MAP4: variants seen among roughly 807,000 people sequenced by gnomAD.
The protein encoded by MAP4 is microtubule-associated protein 4.
A neutral mutation model predicts 170.2 loss-of-function variants in MAP4; 76 were observed. The ratio of observed to expected loss-of-function variants is 0.45; its 90% CI spans 0.37 to 0.54. The LOEUF is 0.54. MAP4 is among the 20% of genes least tolerant of loss of function. The pLI, the probability that MAP4 is intolerant of heterozygous loss-of-function variation, is 0.00. For missense variants in MAP4, 2,506 were observed against 2,748.0 expected (o/e 0.91, Z 1.97); for synonymous variants, 909 against 994.5 (o/e 0.91, Z 1.62).
At chr3:47,858,162 C>T (rs1210597533) in intron 17 of MAP4, among the ~76,000 whole-genome samples, 3 of 151,752 alleles carry the variant, frequency 2.0e-5, no homozygotes, top group Non-Finnish European at 2.9e-5. Flanking sequence ...TACAGGCATG[C>T]GCCACCACGC....
At chr3:47,934,905 T>C (rs947915333) in intron 3 of MAP4, among the ~76,000 whole-genome samples, 3 of 152,258 alleles carry the variant, frequency 2.0e-5, no homozygotes, top group Admixed American at 6.5e-5. Context: ...CCTGCTCTCA[T>C]GGAACTTAGA....
intron 3 of MAP4, among the ~76,000 whole-genome samples, chr3:47,946,542 T>C (rs1374408336): frequency 1.0e-4 from 15 of 146,208 alleles, no homozygotes; most frequent in East Asian, 4.0e-4. Context: ...TAATCCCAGC[T>C]ACTCATGAGG....
chr3:48,003,436 A>C (rs2100100428), intron 1 of MAP4, among the ~76,000 whole-genome samples: 1 of 142,136 alleles, frequency 7.0e-6, no homozygotes, highest in African/African-American at 2.7e-5. Flanking sequence ...CCTGGGTGAC[A>C]GAGTGAGACT....
At chr3:47,860,444 T>C (rs568285908) in intron 17 of MAP4, among the ~76,000 whole-genome samples, 4 of 152,368 alleles carry the variant, frequency 2.6e-5, no homozygotes, top group African/African-American at 7.2e-5. Flanking sequence ...CCCACTTGCC[T>C]TGGCCTCCCA....
At position 48,070,999 on chromosome 3, in the gene MAP4, T is replaced by G. The variant is rs534409341; in HGVS notation, c.-20+17774A>C. Among the ~76,000 whole-genome samples, 12 of 152,178 alleles carry G rather than the reference T, an allele frequency of 7.9e-5. 1 individual carries two copies. The East Asian group carries it at 9.7e-4, about 12-fold the overall frequency. On this transcript the variant is annotated intron_variant, in intron 1 of 18. Transcript: ENST00000360240. ...GTGATCACACCACTGCACTCCAGCC[T>G]GGGTGACAGAGTGGGACCTTGTCTC...
intron 10 of MAP4, among the ~76,000 whole-genome samples, chr3:47,887,061 C>T (rs376026726): frequency 1.3e-5 from 2 of 152,234 alleles, no homozygotes; most frequent in Non-Finnish European, 2.9e-5. Context: ...TCAGAGCCCT[C>T]GCTTGCTCTC....
At chr3:47,884,841 C>T (rs1001384884) in intron 10 of MAP4, among the ~76,000 whole-genome samples, 1 of 152,154 alleles carries the variant, frequency 6.6e-6, no homozygotes, top group African/African-American at 2.4e-5. Flanking sequence ...AAGTCTCCTG[C>T]CCCTGGGTAG....
intron 1 of MAP4, among the ~76,000 whole-genome samples, chr3:48,045,250 C>T (rs2154542960): frequency 8.5e-6 from 1 of 118,110 alleles, no homozygotes; most frequent in Admixed American, 9.6e-5. Context: ...AAGAGTGAGA[C>T]TCAGTCTCAA....
At chr3:48,076,620 A>T (rs1018900613) in intron 1 of MAP4, among the ~76,000 whole-genome samples, 1 of 152,078 alleles carries the variant, frequency 6.6e-6, no homozygotes, top group Non-Finnish European at 1.5e-5. Flanking sequence ...TGGAGGCTGC[A>T]GTGGGCAGAT....
At chr3:48,056,795 G>C (rs2100132095) in intron 1 of MAP4, among the ~76,000 whole-genome samples, 1 of 81,888 alleles carries the variant, frequency 1.2e-5, no homozygotes, top group Non-Finnish European at 2.4e-5. Flanking sequence ...GGGAGGTGGG[G>C]GGGTCAGCCC....
chr3:47,910,360 G>A lies in MAP4; in HGVS notation c.4061C>T (p.Ala1354Val). The change falls in exon 9 of 21, where the codon GCA becomes GTA. Residue 1354 changes from alanine (A) to valine (V), a missense_variant. Coordinates refer to ENST00000683076, the MANE Select transcript of MAP4 (RefSeq NM_001385682.1). ...CCTTTTACTTGGTTTGTCAGCCACT[G>A]CAGTGTATCTATTGGCTGCATCTGT... Reference protein sequence around the residue: ...NKTDAANRYTAVADKPSKRSN... With the variant: ...NKTDAANRYTVVADKPSKRSN... 1 of 1,538,826 alleles carries A rather than the reference G, an allele frequency of 6.5e-7. No individual in the cohort carries two copies. The highest frequency in any genetic ancestry group is 8.7e-7 in the Non-Finnish European group (1 of 1,147,500).
At chr3:48,008,079 A>C (rs1014046731) in intron 1 of MAP4, among the ~76,000 whole-genome samples, 2 of 152,230 alleles carry the variant, frequency 1.3e-5, no homozygotes, top group Admixed American at 1.3e-4. Context: ...GGGTGCTTTC[A>C]GACCCATCTA....
chr3:48,045,629 A>G (rs1559848558), intron 1 of MAP4, among the ~76,000 whole-genome samples: 1 of 152,230 alleles, frequency 6.6e-6, no homozygotes, highest in Non-Finnish European at 1.5e-5. Context: ...ACTGCACTAG[A>G]GAACATAGAA....
intron 1 of MAP4, among the ~76,000 whole-genome samples, chr3:48,081,482 G>A (rs1262597248): frequency 6.6e-6 from 1 of 151,752 alleles, no homozygotes; most frequent in Non-Finnish European, 1.5e-5. Context: ...AAATGCTTTG[G>A]AAATTTACTT....
intron 5 of MAP4, among the ~76,000 whole-genome samples, chr3:47,919,082 C>A (rs2100041318): frequency 6.6e-6 from 1 of 151,694 alleles, no homozygotes; most frequent in South Asian, 2.1e-4. Flanking sequence ...CAGGCGCCTG[C>A]CACAGCTCCC....
intron 3 of MAP4, among the ~76,000 whole-genome samples, chr3:47,961,479 A>C (rs1214087711): frequency 1.3e-5 from 2 of 152,274 alleles, no homozygotes; most frequent in East Asian, 3.9e-4. Context: ...TAGAAACATA[A>C]GAGTTTCATT....
intron 10 of MAP4, among the ~76,000 whole-genome samples, chr3:47,901,543 G>A (rs2100030015): frequency 6.6e-6 from 1 of 151,942 alleles, no homozygotes; most frequent in Non-Finnish European, 1.5e-5. Context: ...GGGCACGGAG[G>A]CACGCACCTG....
intron 17 of MAP4, among the ~76,000 whole-genome samples, chr3:47,864,481 T>C (rs931015422): frequency 4.6e-5 from 7 of 151,984 alleles, no homozygotes; most frequent in Non-Finnish European, 8.8e-5. Context: ...TGGAGACCAT[T>C]CTGGCTAACA....
intron 1 of MAP4, among the ~76,000 whole-genome samples, chr3:48,038,176 G>GAAAA (rs397786308): frequency 8.4e-6 from 1 of 118,862 alleles, no homozygotes; most frequent in African/African-American, 3.4e-5. Flanking sequence ...TCCAAAAAAA[G>GAAAA]AAAAAAAAAA....
Sources: gnomAD v4.1 joint callset for allele counts (sites outside exome capture counted in the v4.1 genomes callset) on GRCh38, gnomAD v4.1.1 for gene constraint, MANE v1.5 for transcripts, NCBI Gene and HGNC (gene_info 2026-07-23, HGNC 2026-07-21) for gene names.